Variants in CCDC57 observed in about 807,000 individuals in gnomAD.
The protein encoded by CCDC57 is coiled-coil domain containing 57, also known as coiled-coil domain-containing protein 57.
In CCDC57, 118 loss-of-function variants were observed where a neutral mutation model predicts 118.9. That is an observed-to-expected ratio of 0.99 (90% CI 0.86 to 1.16). The LOEUF is 1.16. Among genes scored for constraint, CCDC57 ranks in the 50% most tolerant of loss-of-function variants. The pLI, the probability that CCDC57 is intolerant of heterozygous loss-of-function variation, is 0.00. For synonymous variants in CCDC57, 527 were observed against 532.9 expected, an observed-to-expected ratio of 0.99 and a Z score of 0.15; for missense variants, 1,300 against 1,320.7, an observed-to-expected ratio of 0.98 and a Z score of 0.24.
intron 7 of CCDC57, among the ~76,000 whole-genome samples, chr17:82,188,707 C>T (rs1395155070): frequency 2.0e-5 from 3 of 152,212 alleles, no homozygotes; most frequent in African/African-American, 7.2e-5. Flanking sequence ...GATCAACCTG[C>T]GAAAGGAGGT....
chr17:82,198,403 C>T lies in CCDC57; in HGVS notation c.427G>A (p.Asp143Asn), dbSNP rs756676819. Residue 143 changes from aspartate (D) to asparagine (N), a missense_variant, in exon 4 of 20, where the codon GAC becomes AAC. By Grantham distance (23) the Asp-to-Asn change is conservative. Coordinates refer to ENST00000665763, the Ensembl canonical transcript of CCDC57. ...TTTTCATACTGTTCCCGGTGGTGGTCAATCTCACCATTCTTGTCACTATGG... is the reference window on the plus strand; with the variant it reads ...TTTTCATACTGTTCCCGGTGGTGGTTAATCTCACCATTCTTGTCACTATGG... 4.0e-5 allele frequency: 64 copies of T among 1,610,048 alleles called. No individual in the cohort carries two copies. In the Admixed American group the frequency reaches 1.1e-3, roughly 27 times the overall value.
chr17:82,159,764 C>T (rs8078375), intron 14 of CCDC57, among the ~76,000 whole-genome samples: 66,429 of 149,446 alleles, frequency 0.44, 16,168 homozygotes, highest in East Asian at 0.88. Flanking sequence ...CTCCGCCTCC[C>T]GGGTTCAAGC....
chr17:82,114,553 C>T (rs1393375492), intron 19 of CCDC57, among the ~76,000 whole-genome samples: 1 of 152,206 alleles, frequency 6.6e-6, no homozygotes, highest in South Asian at 2.1e-4. Flanking sequence ...AGTGTGTCCT[C>T]GGCGCCCACT....
intron 19 of CCDC57, among the ~76,000 whole-genome samples, chr17:82,125,621 C>T (rs2037316435): frequency 6.6e-6 from 1 of 152,130 alleles, no homozygotes; most frequent in African/African-American, 2.4e-5. Context: ...ACTGATCCAC[C>T]TGCCTTAGCC....
chr17:82,147,201 G>T (rs901263330), intron 16 of CCDC57, among the ~76,000 whole-genome samples: 1 of 151,406 alleles, frequency 6.6e-6, no homozygotes, highest in African/African-American at 2.4e-5. Context: ...TAAATGGATG[G>T]ATAGGTGGGT....
At chr17:82,159,579 A>G (rs2043072194) in intron 14 of CCDC57, among the ~76,000 whole-genome samples, 2 of 152,222 alleles carry the variant, frequency 1.3e-5, no homozygotes, top group African/African-American at 4.8e-5. Context: ...GGTAACGCAC[A>G]TGTTAATTAG....
chr17:82,186,724 T>C, intron 8 of CCDC57, among the ~76,000 whole-genome samples: 1 of 151,368 alleles, frequency 6.6e-6, no homozygotes, highest in East Asian at 1.9e-4. Context: ...GGAGGATCAC[T>C]TGGGTCCAGG....
rs1016505040 is a variant in CCDC57 at position 82,118,973 on chromosome 17, C to T, written c.2899+8719G>A. Among the ~76,000 whole-genome samples, 1 of 151,222 alleles carries T rather than the reference C, an allele frequency of 6.6e-6. No individual in the cohort carries two copies. The highest frequency in any genetic ancestry group is 1.5e-5 in the Non-Finnish European group (1 of 67,850). On this transcript the variant is annotated intron_variant, in intron 19 of 19. Transcript: ENST00000665763. This position sits in a 1 kb window ranked among gnomAD's most constrained non-coding sequence, Gnocchi z 4.7. ...AGTGTGTGGTCCCCGTGAGAGGAAG[C>T]GGAGATCAGAGTAAGCTGTGTTCCC...
intron 15 of CCDC57, chr17:82,157,517 C>CG (rs2042822525): frequency 7.0e-7 from 1 of 1,423,216 alleles, no homozygotes; most frequent in Non-Finnish European, 9.1e-7. Context: ...CCCCCACCAA[C>CG]GGGGCATCAA....
intron 16 of CCDC57, among the ~76,000 whole-genome samples, chr17:82,146,514 G>C (rs1416914562): frequency 6.6e-6 from 1 of 152,058 alleles, no homozygotes; most frequent in Non-Finnish European, 1.5e-5. Context: ...CAAGTAGCTG[G>C]AACTTCAGAC....
intron 7 of CCDC57, 37 bp from the exon 7 acceptor site, chr17:82,188,456 C>G (rs772080133): frequency 5.1e-6 from 8 of 1,578,898 alleles, no homozygotes; most frequent in Non-Finnish European, 5.2e-6. Flanking sequence ...GCTCACCCAG[C>G]CCCCAACACC....
intron 16 of CCDC57, among the ~76,000 whole-genome samples, chr17:82,146,201 G>A (rs1201314761): frequency 4.6e-5 from 7 of 152,156 alleles, no homozygotes; most frequent in Non-Finnish European, 7.3e-5. Context: ...CTGGCTGGAC[G>A]GCTGTCCCAC....
chr17:82,121,685 A>T (rs1317041510), intron 19 of CCDC57, among the ~76,000 whole-genome samples: 2 of 152,210 alleles, frequency 1.3e-5, no homozygotes, highest in Admixed American at 1.3e-4. Flanking sequence ...TTGACCTGGG[A>T]CTGAGGGCTC....
At chr17:82,197,526 A>G (rs2048467872) in intron 4 of CCDC57, among the ~76,000 whole-genome samples, 1 of 152,196 alleles carries the variant, frequency 6.6e-6, no homozygotes, top group African/African-American at 2.4e-5. Context: ...TTGAATTCCA[A>G]ATTCTTTTCC....
rs1177523592 is a variant in CCDC57, at chr17:82,163,154, G to A, written c.2040+46C>T. The A allele has an allele frequency of 1.9e-6, 3 of 1,596,648 alleles. No individual in the cohort carries two copies. The Admixed American group carries it at 5.0e-5, about 27-fold the overall frequency. ...CTCAGAGCCCACGCGCTCTCCCCCAGCAGCGGCTCTCTAGGAGGATGACCC... is the reference window on the plus strand; with the variant it reads ...CTCAGAGCCCACGCGCTCTCCCCCAACAGCGGCTCTCTAGGAGGATGACCC... On this transcript the variant is annotated intron_variant, in intron 14 of 19. Coordinates refer to ENST00000665763, the Ensembl canonical transcript of CCDC57.
chr17:82,198,375 A>C, exon 4 of CCDC57: 1 of 1,613,726 alleles, frequency 6.2e-7, no homozygotes, highest in Non-Finnish European at 8.5e-7. Flanking sequence ...TGTCCATTTT[A>C]GATTTTCATA....
chr17:82,113,564 A>G, intron 19 of CCDC57: 2 of 717,560 alleles, frequency 2.8e-6, no homozygotes, highest in Non-Finnish European at 5.2e-6. Context: ...GCCTCCATTC[A>G]TTCCCCCTCG....
chr17:82,201,592 T>TGCTGCA, exon 3 of CCDC57: 1 of 1,612,984 alleles, frequency 6.2e-7, no homozygotes, highest in Non-Finnish European at 8.5e-7. Flanking sequence ...CTGCTGCTGC[T>TGCTGCA]GCTGCAGCTC....
At chr17:82,107,397 C>G (rs1024461927) in intron 19 of CCDC57, 2 of 424,374 alleles carry the variant, frequency 4.7e-6, no homozygotes, top group East Asian at 7.0e-5. Context: ...GTGGCTGCCT[C>G]GAACCCTGCT....
Sources: allele counts gnomAD v4.1 joint callset (sites outside exome capture counted in the v4.1 genomes callset), GRCh38; gene constraint gnomAD v4.1.1; non-coding constraint Gnocchi (gnomAD v3.1); transcripts MANE v1.5; gene names NCBI Gene and HGNC (gene_info 2026-07-23, HGNC 2026-07-21).